The following WWOX variants were observed in gnomAD, a reference collection of about 807,000 sequenced individuals.
WWOX encodes WW domain containing oxidoreductase, also known as WW domain-containing oxidoreductase.
A neutral mutation model predicts 46.2 loss-of-function variants in WWOX; 69 were observed. That is an observed-to-expected ratio of 1.49 (90% CI 1.23 to 1.82). The LOEUF is 1.82. Among genes scored for constraint, WWOX ranks in the 40% most tolerant of loss-of-function variants. The pLI is 0.00. For synonymous variants in WWOX, 359 were observed against 202.6 expected, an observed-to-expected ratio of 1.77 and a Z score of -6.56; for missense variants, 919 against 542.6, an observed-to-expected ratio of 1.69 and a Z score of -6.89.
chr16:79,135,121 C>T (rs2049958108), intron 8 of WWOX, among the ~76,000 whole-genome samples: 1 of 151,932 alleles, frequency 6.6e-6, no homozygotes, highest in African/African-American at 2.4e-5. Context: ...TTTTTTTCTT[C>T]TTCTCAGGAA....
chr16:79,124,415 T>C (rs1385552239), intron 8 of WWOX, among the ~76,000 whole-genome samples: 2 of 152,082 alleles, frequency 1.3e-5, no homozygotes, highest in Non-Finnish European at 2.9e-5. Flanking sequence ...CTTTTTAAAA[T>C]ACAACCGAGG....
chr16:78,660,147 G>C (rs1477255296), intron 8 of WWOX, among the ~76,000 whole-genome samples: 1 of 152,072 alleles, frequency 6.6e-6, no homozygotes, highest in Non-Finnish European at 1.5e-5. Flanking sequence ...TTTCCCATCT[G>C]TTTACTATTG....
At chr16:78,843,767 A>C (rs2052224205) in intron 8 of WWOX, among the ~76,000 whole-genome samples, 1 of 152,238 alleles carries the variant, frequency 6.6e-6, no homozygotes, top group Non-Finnish European at 1.5e-5. Context: ...ATATTTAGCC[A>C]GAGCCAAAAG....
At chr16:79,024,073 C>T (rs1278433231) in intron 8 of WWOX, among the ~76,000 whole-genome samples, 3 of 152,148 alleles carry the variant, frequency 2.0e-5, no homozygotes, top group African/African-American at 4.8e-5. Flanking sequence ...AGACAGAAAG[C>T]AAGCTAGTGA....
At chr16:79,210,398 T>G (rs2051685585) in intron 8 of WWOX, among the ~76,000 whole-genome samples, 1 of 152,140 alleles carries the variant, frequency 6.6e-6, no homozygotes, top group Non-Finnish European at 1.5e-5. Context: ...GGGAAACTCC[T>G]CCAGTAAGCA....
intron 8 of WWOX, among the ~76,000 whole-genome samples, chr16:78,927,653 G>A (rs2045529199): frequency 6.6e-6 from 1 of 152,274 alleles, no homozygotes; most frequent in Admixed American, 6.5e-5. Flanking sequence ...TGGAGAGAAG[G>A]AAGGTAATTA....
At position 78,108,582 on chromosome 16, in the gene WWOX, G is replaced by A. The variant is rs1019049148; in HGVS notation, c.172+95G>A. 5 of 1,419,420 alleles carry A rather than the reference G, an allele frequency of 3.5e-6. No homozygotes were observed. The Admixed American group carries it at 8.9e-5, about 25-fold the overall frequency. 87.9% of individuals were successfully genotyped at this position (1,419,420 alleles called of 1,614,324 possible). ...AGGTGACAGGTTATTGTGTGTTTAGGGAGGGCTCTCTGGTAGAGAACCAGA... is the reference window on the plus strand; with the variant it reads ...AGGTGACAGGTTATTGTGTGTTTAGAGAGGGCTCTCTGGTAGAGAACCAGA... On this transcript the variant is annotated intron_variant, in intron 2 of 8. Coordinates refer to ENST00000566780, the MANE Select transcript of WWOX (RefSeq NM_016373.4).
intron 8 of WWOX, among the ~76,000 whole-genome samples, chr16:78,454,283 A>G (rs1357089305): frequency 6.6e-6 from 1 of 152,148 alleles, no homozygotes; most frequent in Non-Finnish European, 1.5e-5. Flanking sequence ...CTAAAACAGC[A>G]TCTCTCAAAC....
chr16:78,580,633 G>A (rs1461226257), intron 8 of WWOX, among the ~76,000 whole-genome samples: 1 of 152,174 alleles, frequency 6.6e-6, no homozygotes, highest in Non-Finnish European at 1.5e-5. Context: ...TCTGGTATTA[G>A]TAAATTATAG....
intron 8 of WWOX, among the ~76,000 whole-genome samples, chr16:78,664,832 A>G (rs1269807958): frequency 6.6e-6 from 1 of 152,234 alleles, no homozygotes; most frequent in Non-Finnish European, 1.5e-5. Context: ...TTTGCAGGCA[A>G]CAAGAGTCCA....
intron 8 of WWOX, among the ~76,000 whole-genome samples, chr16:78,534,050 A>G (rs1291675103): frequency 1.3e-5 from 2 of 152,192 alleles, no homozygotes; most frequent in African/African-American, 4.8e-5. Context: ...AATGGATATA[A>G]ACAATATTGT....
At chr16:78,251,448 A>G (rs1294636692) in intron 5 of WWOX, among the ~76,000 whole-genome samples, 7 of 152,146 alleles carry the variant, frequency 4.6e-5, no homozygotes, top group Admixed American at 4.6e-4. Flanking sequence ...GTTACACAGC[A>G]TTGCCTGTTT....
chr16:78,833,683 G>C (rs1198122490), intron 8 of WWOX, among the ~76,000 whole-genome samples: 3 of 152,224 alleles, frequency 2.0e-5, no homozygotes, highest in African/African-American at 7.2e-5. Context: ...GGTGCTTAGA[G>C]ATTTCACAGC....
chr16:78,187,987 C>T (rs973690708), intron 5 of WWOX, among the ~76,000 whole-genome samples: 1 of 152,214 alleles, frequency 6.6e-6, no homozygotes, highest in Non-Finnish European at 1.5e-5. Context: ...AATTTAATTA[C>T]TATAACATCA....
At chr16:78,499,658 C>G (rs768686783) in intron 8 of WWOX, among the ~76,000 whole-genome samples, 4 of 152,202 alleles carry the variant, frequency 2.6e-5, no homozygotes, top group Non-Finnish European at 5.9e-5. Flanking sequence ...GCCTGCGACT[C>G]TCTTCCCTAT....
At chr16:78,500,371 T>G (rs1260846624) in intron 8 of WWOX, among the ~76,000 whole-genome samples, 5 of 150,960 alleles carry the variant, frequency 3.3e-5, no homozygotes, top group Non-Finnish European at 5.9e-5. Context: ...CAGCCAACAT[T>G]TTTGCATTTC....
At chr16:78,745,254 A>T (rs1393070282) in intron 8 of WWOX, among the ~76,000 whole-genome samples, 1 of 152,182 alleles carries the variant, frequency 6.6e-6, no homozygotes, top group African/African-American at 2.4e-5. Context: ...GATTGATTAC[A>T]TTTGAATCTT....
At chr16:78,499,173 T>G (rs2084992668) in intron 8 of WWOX, among the ~76,000 whole-genome samples, 1 of 152,090 alleles carries the variant, frequency 6.6e-6, no homozygotes, top group African/African-American at 2.4e-5. Context: ...ATAGTGCGTA[T>G]CTAACACTTG....
intron 8 of WWOX, among the ~76,000 whole-genome samples, chr16:78,940,426 A>G (rs1269927741): frequency 2.6e-5 from 4 of 152,166 alleles, no homozygotes; most frequent in Admixed American, 1.3e-4. Context: ...TGACCTTGAA[A>G]TTGCTTTTTA....
Sources: allele counts gnomAD v4.1 joint callset (sites outside exome capture counted in the v4.1 genomes callset), GRCh38; gene constraint gnomAD v4.1.1; transcripts MANE v1.5; gene names NCBI Gene and HGNC (gene_info 2026-07-23, HGNC 2026-07-21).